CASC3: variants seen among roughly 807,000 people sequenced by gnomAD.
CASC3 encodes protein CASC3.
Under a neutral mutation model 80.5 loss-of-function variants are expected in CASC3, and 30 were observed. The observed-to-expected ratio is 0.37, with a 90% CI of 0.28 to 0.51. The LOEUF is 0.51. CASC3 is among the 20% of genes least tolerant of loss of function. The pLI, the probability that CASC3 is intolerant of heterozygous loss-of-function variation, is 0.94. For missense variants in CASC3, 824 were observed against 922.2 expected, an observed-to-expected ratio of 0.89 and a Z score of 1.38; for synonymous variants, 312 against 333.6, an observed-to-expected ratio of 0.94 and a Z score of 0.70.
At chr17:40,151,864 A>G (rs751184904) in intron 3 of CASC3, among the ~76,000 whole-genome samples, 7 of 152,084 alleles carry the variant, frequency 4.6e-5, no homozygotes, top group Non-Finnish European at 1.0e-4. Context: ...CTTTCAGTAT[A>G]ATGTTTTCAT....
chr17:40,167,117 A>G (rs1989469312), intron 8 of CASC3: 2 of 513,628 alleles, frequency 3.9e-6, no homozygotes, highest in East Asian at 3.4e-5. Context: ...ACGTGCCATC[A>G]TGCCCAGCTA....
intron 7 of CASC3, among the ~76,000 whole-genome samples, chr17:40,165,741 CATAG>C (rs1318887958): frequency 3.4e-5 from 5 of 148,544 alleles, no homozygotes; most frequent in African/African-American, 4.9e-5. Context: ...GTTGTGTTTA[CATAG>C]ATATAGTTTT....
intron 6 of CASC3, 38 bp downstream of exon 6, chr17:40,162,939 G>A (rs534949233): frequency 1.2e-5 from 19 of 1,542,658 alleles, no homozygotes; most frequent in South Asian, 3.4e-5. Flanking sequence ...GGCTGGGTAT[G>A]GTGGCTTACG....
At chr17:40,154,187 A>G (rs1233896500) in intron 3 of CASC3, among the ~76,000 whole-genome samples, 2 of 150,006 alleles carry the variant, frequency 1.3e-5, no homozygotes, top group Non-Finnish European at 3.0e-5. Context: ...TACCTAGGCA[A>G]TTTTTTAAAA....
intron 5 of CASC3, 71 bp downstream of exon 5, chr17:40,162,224 C>A: frequency 6.9e-7 from 1 of 1,449,442 alleles, no homozygotes; most frequent in Admixed American, 2.1e-5. Context: ...TTCGATTTGC[C>A]TGTATTTCAT....
intron 3 of CASC3, among the ~76,000 whole-genome samples, chr17:40,154,440 G>A (rs1989094949): frequency 1.3e-5 from 2 of 151,770 alleles, no homozygotes; most frequent in Non-Finnish European, 2.9e-5. Flanking sequence ...TGCCATGTTG[G>A]CCAGGCTGGT....
chr17:40,169,510 A>G, intron 12 of CASC3, 64 bp downstream of exon 12: 2 of 1,576,180 alleles, frequency 1.3e-6, no homozygotes, highest in South Asian at 2.3e-5. Flanking sequence ...TTCTCCCCAG[A>G]GGATTTCCCT....
rs1435349763 is a variant in CASC3, at chr17:40,171,904, AAG to A, written c.*1503_*1504del. On this transcript the variant is annotated 3_prime_UTR_variant, in exon 14 of 14. Coordinates refer to ENST00000264645, the MANE Select transcript of CASC3 (RefSeq NM_007359.5). Reference sequence around the variant, plus strand: ...TGTAACCCCCAAGGAGGAAATAACTAAGAGATTCTTCTAGGGGTAGCTGGTGG... The same window carrying A: ...TGTAACCCCCAAGGAGGAAATAACTAAGATTCTTCTAGGGGTAGCTGGTGG... The A allele has an allele frequency of 1.6e-6, 2 of 1,241,742 alleles. No homozygotes were observed. The highest frequency in any genetic ancestry group is 2.1e-6 in the Non-Finnish European group (2 of 966,330). The allele number at this position is 1,241,742 out of a possible 1,614,324, so 76.9% of individuals were successfully genotyped here. A position where few individuals can be genotyped will look rare whatever the true frequency, so the allele number is the denominator to read the frequency against.
chr17:40,153,703 C>A (rs748321057), intron 3 of CASC3, among the ~76,000 whole-genome samples: 33 of 152,260 alleles, frequency 2.2e-4, no homozygotes, highest in Non-Finnish European at 4.1e-4. Flanking sequence ...CTCTCAGCTA[C>A]TCAGGAGGCT....
rs1428153265 is a variant in CASC3 at position 40,163,991 on chromosome 17, T to A, written c.1296T>A (p.Ile432=). 1 of 1,614,010 alleles carries A rather than the reference T, an allele frequency of 6.2e-7. No homozygotes were observed. The highest frequency in any genetic ancestry group is 1.3e-5 in the African/African-American group (1 of 75,012). ...EEVPPPPEGL[I]PAPPVPETTP... is the part of the protein sequence containing the mutation. Reference sequence around the variant, plus strand: ...TGCCCCCTCCTCCTGAAGGACTGATTCCAGCACCTCCAGTCCCAGAAACCA... The same window carrying A: ...TGCCCCCTCCTCCTGAAGGACTGATACCAGCACCTCCAGTCCCAGAAACCA... The change falls in exon 7 of 14, where the codon ATT becomes ATA. Residue 432 remains isoleucine (I), a synonymous_variant. Coordinates refer to ENST00000264645, the MANE Select transcript of CASC3 (RefSeq NM_007359.5).
intron 8 of CASC3, 97 bp from the exon 9 acceptor site, chr17:40,167,401 C>A: frequency 1.3e-6 from 1 of 774,442 alleles, no homozygotes; most frequent in Non-Finnish European, 2.2e-6. Context: ...TAAATACCTG[C>A]CATGTACCAA....
chr17:40,162,742 G>T lies in CASC3; in HGVS notation c.626G>T (p.Arg209Leu). 6.2e-7 allele frequency: 1 copy of T among 1,613,774 alleles called. No homozygotes were observed. The stretch of plus-strand genomic sequence containing the variant: ...TTATCCAGACCCAAGGGGCGTCAGC[G>T]AAAGCTATGGAAGGATGAGGGTCGC... ...EEEVRPKGRQRKLWKDEGRWE... is the reference protein window; with the variant it reads ...EEEVRPKGRQLKLWKDEGRWE... Residue 209 changes from arginine (R) to leucine (L), a missense_variant, in exon 6 of 14, where the codon CGA becomes CTA. Transcript: ENST00000264645.
At chr17:40,168,137 C>T in intron 10 of CASC3, 66 bp from the exon 11 acceptor site, 2 of 1,460,520 alleles carry the variant, frequency 1.4e-6, no homozygotes, top group Non-Finnish European at 1.9e-6. Flanking sequence ...ACTGAGCAGT[C>T]CAGCCGGGCC....
intron 3 of CASC3, among the ~76,000 whole-genome samples, chr17:40,150,312 C>G (rs1000262927): frequency 2.0e-5 from 3 of 152,068 alleles, no homozygotes; most frequent in Admixed American, 2.0e-4. Flanking sequence ...GTCGAGGCCA[C>G]AGCAAGCTAT....
intron 13 of CASC3, 147 bp from the exon 14 acceptor site, chr17:40,170,300 A>G (rs1236411154): frequency 3.1e-6 from 1 of 321,878 alleles, no homozygotes; most frequent in African/African-American, 2.2e-5. Context: ...ATCATAGAGG[A>G]GAAGGACTGG....
At chr17:40,145,744 GATTT>G (rs1356198493) in intron 3 of CASC3, among the ~76,000 whole-genome samples, 5 of 151,838 alleles carry the variant, frequency 3.3e-5, no homozygotes, top group Admixed American at 1.3e-4. Context: ...GATGCGATTG[GATTT>G]ATTTATTCAT....
intron 3 of CASC3, among the ~76,000 whole-genome samples, chr17:40,161,463 G>A (rs1989295780): frequency 6.6e-6 from 1 of 152,166 alleles, no homozygotes; most frequent in Non-Finnish European, 1.5e-5. Flanking sequence ...GGCAGATCAC[G>A]AAATCAGGAG....
intron 3 of CASC3, among the ~76,000 whole-genome samples, chr17:40,157,801 T>C (rs1989190504): frequency 6.6e-6 from 1 of 152,206 alleles, no homozygotes; most frequent in Non-Finnish European, 1.5e-5. Context: ...ACCAATAACA[T>C]AAACAGTCAG....
intron 13 of CASC3, 80 bp downstream of exon 13, chr17:40,169,742 C>CTTTTTTTTTTTTTTTTTTTTTTTTTTT (rs56186811): frequency 1.1e-5 from 1 of 91,808 alleles, no homozygotes; most frequent in African/African-American, 8.5e-5. Flanking sequence ...TTAATTAATG[C>CTTTTTTTTTTTTTTTTTTTTTTTTTTT]TTTTTTTTTT....
Sources: gnomAD v4.1 joint callset for allele counts (sites outside exome capture counted in the v4.1 genomes callset) on GRCh38, gnomAD v4.1.1 for gene constraint, MANE v1.5 for transcripts, NCBI Gene and HGNC (gene_info 2026-07-23, HGNC 2026-07-21) for gene names.